Variants in RAB28 observed in about 807,000 individuals in gnomAD.
RAB28 encodes ras-related protein Rab-28.
In RAB28, 24 loss-of-function variants were observed where a neutral mutation model predicts 31.7. That is an observed-to-expected ratio of 0.76 (90% CI 0.55 to 1.06). RAB28 has a LOEUF of 1.06. Ranked by LOEUF, RAB28 falls within the 50% of genes least tolerant of loss-of-function variation. The pLI is 0.00. For missense variants in RAB28, 254 were observed against 258.5 expected, an observed-to-expected ratio of 0.98 and a Z score of 0.12; for synonymous variants, 100 against 90.4, an observed-to-expected ratio of 1.11 and a Z score of -0.60.
intron 6 of RAB28, chr4:13,371,797 T>C: frequency 6.5e-7 from 1 of 1,547,230 alleles, no homozygotes. Context: ...ATACCAACCT[T>C]TATTTTTAGA....
intron 4 of RAB28, among the ~76,000 whole-genome samples, chr4:13,458,496 T>C (rs1715421755): frequency 6.6e-6 from 1 of 152,170 alleles, no homozygotes; most frequent in African/African-American, 2.4e-5. Flanking sequence ...TAACAACTCT[T>C]GTTGTCAGGA....
chr4:13,384,646 A>G (rs555329047), intron 4 of RAB28, among the ~76,000 whole-genome samples: 1 of 152,290 alleles, frequency 6.6e-6, no homozygotes, highest in African/African-American at 2.4e-5. Context: ...AAGCCAGTTG[A>G]CTGAACCCAC....
intron 4 of RAB28, among the ~76,000 whole-genome samples, chr4:13,432,941 G>C (rs1385313646): frequency 6.7e-6 from 1 of 150,104 alleles, no homozygotes; most frequent in Admixed American, 6.6e-5. Context: ...GAACGTAAAT[G>C]GCCTAAACTA....
intron 6 of RAB28, 24 bp from the exon 7 acceptor site, chr4:13,368,674 A>T: frequency 6.3e-7 from 1 of 1,578,056 alleles, no homozygotes; most frequent in Non-Finnish European, 8.7e-7. Context: ...AAACAGAGTT[A>T]TTATCAGGAT....
At chr4:13,421,271 G>T (rs953927113) in intron 4 of RAB28, among the ~76,000 whole-genome samples, 2 of 152,152 alleles carry the variant, frequency 1.3e-5, no homozygotes, top group Non-Finnish European at 2.9e-5. Flanking sequence ...CAAACAAATG[G>T]AAGAACAATC....
chr4:13,369,904 G>C (rs1267994228), intron 6 of RAB28: 1 of 1,612,104 alleles, frequency 6.2e-7, no homozygotes, highest in African/African-American at 1.3e-5. Flanking sequence ...TCTACTCTGA[G>C]TAGAGGTGGT....
At chr4:13,467,580 T>A (rs1050309973) in intron 3 of RAB28, among the ~76,000 whole-genome samples, 1 of 152,024 alleles carries the variant, frequency 6.6e-6, no homozygotes. Context: ...CAATACAGTG[T>A]CATTTAAACA....
At chr4:13,372,420 T>C (rs894410813) in intron 6 of RAB28, among the ~76,000 whole-genome samples, 22 of 152,138 alleles carry the variant, frequency 1.4e-4, no homozygotes, top group African/African-American at 4.8e-4. Flanking sequence ...AGTTATTTCA[T>C]GTCTTCTGTC....
chr4:13,371,713 G>A (rs1728719539), intron 6 of RAB28: 1 of 1,532,364 alleles, frequency 6.5e-7, no homozygotes, highest in African/African-American at 1.4e-5. Flanking sequence ...AAACTTCATG[G>A]TAGGTGGTTT....
At position 13,484,263 on chromosome 4, in the gene RAB28, G is replaced by A. The variant is rs952800118; in HGVS notation, c.-113C>T. ...GTAGTTGCGGCAGGACCCCCGCCCC[G>A]GTGTCTCCGCGCCGGCAGGAGGTAT... is the stretch of plus-strand genomic sequence containing the variant. On this transcript the variant is annotated 5_prime_UTR_variant, in exon 1 of 7. Transcript: ENST00000330852. 3.2e-5 allele frequency: 25 copies of A among 782,334 alleles called. No homozygotes were observed. The highest frequency in any genetic ancestry group is 4.4e-5 in the Non-Finnish European group (20 of 457,138). 48.5% of individuals were successfully genotyped at this position (782,334 alleles called of 1,614,324 possible). A position where few individuals can be genotyped will look rare whatever the true frequency, so the allele number is the denominator to read the frequency against.
At chr4:13,483,009 T>C (rs568383981) in intron 1 of RAB28, among the ~76,000 whole-genome samples, 3 of 152,232 alleles carry the variant, frequency 2.0e-5, no homozygotes, top group African/African-American at 7.2e-5. Context: ...TTCTTTAGAC[T>C]ATGGTTGGGA....
intron 3 of RAB28, chr4:13,473,848 T>C (rs780308241): frequency 1.6e-4 from 59 of 374,254 alleles, no homozygotes; most frequent in Admixed American, 4.7e-4. Flanking sequence ...AGTTATCTGA[T>C]AGAAAATACA....
intron 4 of RAB28, among the ~76,000 whole-genome samples, chr4:13,457,870 T>A (rs933268387): frequency 6.6e-6 from 1 of 152,206 alleles, no homozygotes; most frequent in Middle Eastern, 3.4e-3. Context: ...CTAGTGGTAG[T>A]TAGATTATAT....
intron 4 of RAB28, among the ~76,000 whole-genome samples, chr4:13,422,972 T>G (rs184166880): frequency 6.6e-6 from 1 of 152,042 alleles, no homozygotes; most frequent in African/African-American, 2.4e-5. Context: ...CAATGTAAAT[T>G]TTACCTCAAA....
At chr4:13,412,613 C>A (rs189198681) in intron 4 of RAB28, among the ~76,000 whole-genome samples, 1 of 151,976 alleles carries the variant, frequency 6.6e-6, no homozygotes, top group African/African-American at 2.4e-5. Flanking sequence ...AAAAAATTTA[C>A]CTCACTAAAA....
intron 5 of RAB28, among the ~76,000 whole-genome samples, chr4:13,380,057 C>G (rs1301159329): frequency 1.1e-4 from 16 of 151,834 alleles, no homozygotes; most frequent in Admixed American, 1.0e-3. Context: ...AAAAAAAGCC[C>G]CTGGGAAGAT....
At chr4:13,389,432 TAA>T (rs1729528179) in intron 4 of RAB28, among the ~76,000 whole-genome samples, 1 of 152,140 alleles carries the variant, frequency 6.6e-6, no homozygotes, top group Non-Finnish European at 1.5e-5. Context: ...TTGAAATGGT[TAA>T]GATGGTAAAT....
At chr4:13,382,345 G>A (rs992297339) in intron 4 of RAB28, among the ~76,000 whole-genome samples, 3 of 152,134 alleles carry the variant, frequency 2.0e-5, no homozygotes, top group Non-Finnish European at 4.4e-5. Context: ...CCCTATAAGG[G>A]TGTTGATTCA....
intron 4 of RAB28, among the ~76,000 whole-genome samples, chr4:13,442,983 G>A (rs1485039621): frequency 6.6e-6 from 1 of 152,094 alleles, no homozygotes; most frequent in African/African-American, 2.4e-5. Context: ...CAAAGTGGCA[G>A]AACATAGTAT....
Sources: gnomAD v4.1 joint callset for allele counts (sites outside exome capture counted in the v4.1 genomes callset) on GRCh38, gnomAD v4.1.1 for gene constraint, MANE v1.5 for transcripts, NCBI Gene and HGNC (gene_info 2026-07-23, HGNC 2026-07-21) for gene names.